Variants in PPP2R3A observed in about 807,000 individuals in gnomAD.
PPP2R3A encodes the protein serine/threonine-protein phosphatase 2A regulatory subunit B'' subunit alpha.
In PPP2R3A, 80 loss-of-function variants were observed where a neutral mutation model predicts 106.9. The ratio of observed to expected loss-of-function variants is 0.75; its 90% confidence interval spans 0.62 to 0.90. The LOEUF (loss-of-function observed/expected upper bound fraction) is 0.90. Among genes scored for constraint, PPP2R3A ranks in the 40% least tolerant of loss-of-function variants. PPP2R3A has a pLI of 0.00. For missense variants in PPP2R3A, 1,386 were observed against 1,350.4 expected (o/e 1.03, Z -0.41); for synonymous variants, 483 against 468.3 (o/e 1.03, Z -0.41).
chr3:136,141,832 G>A (rs1938884934), intron 13 of PPP2R3A, among the ~76,000 whole-genome samples: 1 of 152,208 alleles, frequency 6.6e-6, no homozygotes, highest in Non-Finnish European at 1.5e-5. Flanking sequence ...AGCCAGTGGT[G>A]GTAGGGAGGA....
chr3:135,994,886 C>G (rs1176137318), intron 1 of PPP2R3A, among the ~76,000 whole-genome samples: 1 of 152,198 alleles, frequency 6.6e-6, no homozygotes, highest in Non-Finnish European at 1.5e-5. Flanking sequence ...AATCCAGTTC[C>G]TCTCCATCCT....
chr3:135,995,498 A>G (rs1933356075), intron 1 of PPP2R3A, among the ~76,000 whole-genome samples: 1 of 120,692 alleles, frequency 8.3e-6, no homozygotes, highest in South Asian at 2.7e-4. Flanking sequence ...TCTGTTGCCC[A>G]GACTGGAGTG....
chr3:136,071,430 G>A (rs1936426848), intron 6 of PPP2R3A, among the ~76,000 whole-genome samples: 1 of 152,190 alleles, frequency 6.6e-6, no homozygotes, highest in South Asian at 2.1e-4. Context: ...AACTTTGTAA[G>A]ATTTTATTTG....
rs545459172 is a variant in PPP2R3A at position 135,991,162 on chromosome 3, G to A, written c.-440-9897G>A. Reference sequence around the variant, plus strand: ...AGGTTATGTATCCACTGTCCTGCCCGCTCAGACTGTGAGCTGCTTGAGGCA... The same window carrying A: ...AGGTTATGTATCCACTGTCCTGCCCACTCAGACTGTGAGCTGCTTGAGGCA... On this transcript the variant is annotated intron_variant, in intron 1 of 13. Coordinates refer to ENST00000264977, the MANE Select transcript of PPP2R3A (RefSeq NM_002718.5). Among the ~76,000 whole-genome samples the A allele has an allele frequency of 3.5e-3, 529 of 152,170 alleles. 4 individuals are homozygous for A. Among genetic ancestry groups the A allele is most frequent in the African/African-American group, 0.012 (487 of 41,514 alleles).
chr3:136,136,373 T>A (rs1363606774), intron 13 of PPP2R3A, among the ~76,000 whole-genome samples: 1 of 152,178 alleles, frequency 6.6e-6, no homozygotes, highest in Non-Finnish European at 1.5e-5. Context: ...GAAGTAGAGT[T>A]TATTCAGCTG....
chr3:136,088,091 TA>T (rs1937002843), intron 9 of PPP2R3A, among the ~76,000 whole-genome samples, 160 bp downstream of exon 9: 1 of 152,124 alleles, frequency 6.6e-6, no homozygotes, highest in African/African-American at 2.4e-5. Flanking sequence ...AATTCTTTTT[TA>T]AAAAAATAAT....
At chr3:136,054,822 A>G (rs970252167) in intron 5 of PPP2R3A, among the ~76,000 whole-genome samples, 5 of 152,224 alleles carry the variant, frequency 3.3e-5, no homozygotes, top group African/African-American at 9.6e-5. Context: ...TCAGAATGCC[A>G]TGAGATAGCT....
chr3:135,999,352 T>A (rs1338610639), intron 1 of PPP2R3A, among the ~76,000 whole-genome samples: 1 of 152,044 alleles, frequency 6.6e-6, no homozygotes, highest in Non-Finnish European at 1.5e-5. Context: ...AACCATGGAG[T>A]CTAGCTTTCT....
chr3:136,021,036 G>T (rs1358029496), intron 2 of PPP2R3A, among the ~76,000 whole-genome samples: 1 of 152,022 alleles, frequency 6.6e-6, no homozygotes. Context: ...TCTCAGGAAA[G>T]GAATGAACCT....
At chr3:136,048,389 T>C (rs1447049123) in intron 4 of PPP2R3A, among the ~76,000 whole-genome samples, 1 of 152,096 alleles carries the variant, frequency 6.6e-6, no homozygotes, top group Non-Finnish European at 1.5e-5. Flanking sequence ...GCTAGGACTT[T>C]AGGCCAGGCG....
Position 136,090,585 on chromosome 3 carries a change from ACAATAC to A in PPP2R3A, c.2846_2851del (p.Thr949_Gln951delinsLys). On this transcript the variant is annotated inframe_deletion, in exon 10 of 14. Coordinates refer to ENST00000264977, the MANE Select transcript of PPP2R3A (RefSeq NM_002718.5). ...ACCATGTGTTTTCTTTAGGGGAAAA[ACAATAC>A]AGAAAGAGGGAAGAATGAGCTATGC... 1 of 1,613,182 alleles carries A rather than the reference ACAATAC, an allele frequency of 6.2e-7. No individual in the cohort carries two copies. The highest frequency in any genetic ancestry group is 8.5e-7 in the Non-Finnish European group (1 of 1,179,410).
chr3:135,989,249 C>T (rs186920843), intron 1 of PPP2R3A, among the ~76,000 whole-genome samples: 11 of 152,208 alleles, frequency 7.2e-5, no homozygotes, highest in Non-Finnish European at 1.5e-4. Context: ...ACCCAGAGGA[C>T]ACATGAAGTC....
At position 136,002,871 on chromosome 3, in the gene PPP2R3A, T is replaced by C. The variant is rs1933692680; in HGVS notation, c.1373T>C (p.Leu458Pro). 6.2e-7 allele frequency: 1 copy of C among 1,613,914 alleles called. No individual in the cohort carries two copies. Among genetic ancestry groups the C allele is most frequent in the East Asian group, 2.2e-5 (1 of 44,862 alleles). ...RAEFPEHATH[L>P]KKCPTPMQNE... ...GAATTTCCAGAACATGCTACTCATC[T>C]TAAAAAATGCCCCACCCCAATGCAA... Residue 458 changes from leucine to proline, a missense_variant, in exon 2 of 14, where the codon CTT (leucine) becomes CCT (proline). Physicochemically the swap from Leu to Pro is moderately conservative, Grantham distance 98. Coordinates refer to ENST00000264977, the MANE Select transcript of PPP2R3A (RefSeq NM_002718.5).
intron 13 of PPP2R3A, among the ~76,000 whole-genome samples, chr3:136,122,264 T>G (rs1299704547): frequency 6.6e-6 from 1 of 152,148 alleles, no homozygotes; most frequent in Non-Finnish European, 1.5e-5. Flanking sequence ...AACGTTATGG[T>G]GAACTATGAT....
At chr3:136,001,034 C>A in intron 1 of PPP2R3A, 25 bp from the exon 2 acceptor site, 1 of 386,354 alleles carries the variant, frequency 2.6e-6, no homozygotes, top group Non-Finnish European at 4.6e-6. Flanking sequence ...AAAAAATTTC[C>A]TTTTAATTTT....
intron 1 of PPP2R3A, among the ~76,000 whole-genome samples, chr3:135,969,396 A>G (rs1937177872): frequency 6.6e-6 from 1 of 152,088 alleles, no homozygotes; most frequent in Non-Finnish European, 1.5e-5. Flanking sequence ...AGAGGGAGAA[A>G]TGAGATCCTA....
intron 5 of PPP2R3A, among the ~76,000 whole-genome samples, chr3:136,053,178 G>T (rs774713202): frequency 2.8e-4 from 42 of 152,054 alleles, no homozygotes; most frequent in Non-Finnish European, 5.7e-4. Flanking sequence ...TAACTATTGG[G>T]TACTGGGCTT....
In PPP2R3A at chr3:136,055,232, T is replaced by G. The variant is rs1289822315; in HGVS notation, c.2469+5871T>G. On this transcript the variant is annotated intron_variant, in intron 5 of 13. Transcript: ENST00000264977. Reference sequence around the variant, plus strand: ...TAAAATTAAAAAGCCAGACATACTTTCTATCAAGCTGCGTAAAAAGAAACA... The same window carrying G: ...TAAAATTAAAAAGCCAGACATACTTGCTATCAAGCTGCGTAAAAAGAAACA... 1.1e-5 allele frequency: 9 copies of G among 787,502 alleles called. No homozygotes were observed. In the Admixed American group the frequency reaches 1.6e-4, roughly 14 times the overall value. The allele number at this position is 787,502 out of a possible 1,614,324, so 48.8% of individuals were successfully genotyped here. A position where few individuals can be genotyped will look rare whatever the true frequency, so the allele number is the denominator to read the frequency against.
At position 136,064,880 on chromosome 3, in the gene PPP2R3A, A is replaced by C. The variant is rs77880485; in HGVS notation, c.2470-5598A>C. ...CATATTTATATAATCAAAATATCACAAAAACATTTTAGTTTATAGCATCTA... is the reference window on the plus strand; with the variant it reads ...CATATTTATATAATCAAAATATCACCAAAACATTTTAGTTTATAGCATCTA... On this transcript the variant is annotated intron_variant, in intron 5 of 13. Coordinates refer to ENST00000264977, the MANE Select transcript of PPP2R3A (RefSeq NM_002718.5). Among the ~76,000 whole-genome samples, 70 of 152,344 alleles carry C rather than the reference A, an allele frequency of 4.6e-4. No individual in the cohort carries two copies. The East Asian group carries it at 0.012, about 26-fold the overall frequency.
Sources: allele counts gnomAD v4.1 joint callset (sites outside exome capture counted in the v4.1 genomes callset), GRCh38; gene constraint gnomAD v4.1.1; transcripts MANE v1.5; gene names NCBI Gene and HGNC (gene_info 2026-07-23, HGNC 2026-07-21).